Variants in ANO4 observed in about 807,000 individuals in gnomAD.
The protein encoded by ANO4 is anoctamin 4, also known as anoctamin-4.
ANO4 carries 69 observed loss-of-function variants against 141.9 expected under a neutral mutation model. That is an observed-to-expected ratio of 0.49 (90% CI 0.40 to 0.59). The LOEUF (loss-of-function observed/expected upper bound fraction) is 0.59, where lower values mean the gene tolerates loss of function less well. ANO4 is among the 20% of genes least tolerant of loss of function. The probability of loss-of-function intolerance (pLI) is 0.00; values close to 1 mark genes in which losing one functional copy is unlikely to be tolerated. For synonymous variants in ANO4, 350 were observed against 394.3 expected (o/e 0.89, Z 1.33); for missense variants, 894 against 1,162.2 (o/e 0.77, Z 3.36).
intron 14 of ANO4, among the ~76,000 whole-genome samples, chr12:101,054,250 A>T (rs1293424980): frequency 1.3e-5 from 2 of 152,234 alleles, no homozygotes; most frequent in Non-Finnish European, 2.9e-5. Context: ...AAATTTTTTT[A>T]AAGTAGGGTA....
intron 7 of ANO4, among the ~76,000 whole-genome samples, chr12:100,982,308 C>G (rs1416704516): frequency 2.6e-5 from 4 of 152,138 alleles, no homozygotes; most frequent in African/African-American, 9.7e-5. Context: ...TTTTCTATTC[C>G]CTATTGGTGG....
chr12:101,019,412 A>G (rs1438953334), intron 8 of ANO4, among the ~76,000 whole-genome samples: 1 of 152,098 alleles, frequency 6.6e-6, no homozygotes, highest in Non-Finnish European at 1.5e-5. Flanking sequence ...ATACCTGCAC[A>G]TGCACCCTTG....
intron 1 of ANO4, among the ~76,000 whole-genome samples, chr12:100,829,398 C>T (rs570036472): frequency 6.6e-6 from 1 of 152,134 alleles, no homozygotes; most frequent in East Asian, 1.9e-4. Flanking sequence ...CAAAGAATGG[C>T]ATGCAATAGT....
At chr12:100,949,987 G>C (rs1353879486) in intron 5 of ANO4, among the ~76,000 whole-genome samples, 1 of 152,186 alleles carries the variant, frequency 6.6e-6, no homozygotes, top group East Asian at 1.9e-4. Flanking sequence ...AGATGGCTCT[G>C]TTCCCTTGTA....
chr12:100,865,912 G>C (rs1283665165), intron 1 of ANO4, among the ~76,000 whole-genome samples: 1 of 152,160 alleles, frequency 6.6e-6, no homozygotes, highest in East Asian at 1.9e-4. Context: ...AGACTTGGTG[G>C]GGAGACACAG....
intron 14 of ANO4, among the ~76,000 whole-genome samples, chr12:101,058,686 T>C (rs2048227353): frequency 6.6e-6 from 1 of 152,192 alleles, no homozygotes; most frequent in South Asian, 2.1e-4. Context: ...TGTATAAGAA[T>C]GCTTGTGATT....
intron 1 of ANO4, among the ~76,000 whole-genome samples, chr12:100,801,255 A>G (rs1298414205): frequency 6.6e-6 from 1 of 152,168 alleles, no homozygotes; most frequent in Non-Finnish European, 1.5e-5. Flanking sequence ...TCTAAAACCT[A>G]TGGTGCTGTC....
At chr12:100,954,142 A>C (rs1475414321) in intron 5 of ANO4, among the ~76,000 whole-genome samples, 1 of 152,098 alleles carries the variant, frequency 6.6e-6, no homozygotes, top group Non-Finnish European at 1.5e-5. Context: ...TAGTACTTAT[A>C]ATTGCCTAGC....
At chr12:100,866,042 G>C (rs116080068) in intron 1 of ANO4, among the ~76,000 whole-genome samples, 1 of 152,150 alleles carries the variant, frequency 6.6e-6, no homozygotes, top group Admixed American at 6.5e-5. Flanking sequence ...CGGCAGGGGA[G>C]CCCATTGACA....
At chr12:100,777,640 T>C (rs1035006347) in intron 3 of ANO4, among the ~76,000 whole-genome samples, 43 of 152,168 alleles carry the variant, frequency 2.8e-4, no homozygotes, top group Admixed American at 1.3e-3. Context: ...ATATAAAATA[T>C]GGCAATAAAT....
intron 8 of ANO4, among the ~76,000 whole-genome samples, chr12:101,007,769 G>A (rs574336000): frequency 9.2e-5 from 14 of 152,232 alleles, no homozygotes; most frequent in African/African-American, 3.4e-4. Context: ...ACACGGGCTG[G>A]AGCACAGCTG....
chr12:100,896,010 TCA>T (rs1337144149), intron 1 of ANO4, among the ~76,000 whole-genome samples: 2 of 152,070 alleles, frequency 1.3e-5, no homozygotes, highest in Admixed American at 1.3e-4. Flanking sequence ...GGGGAGCTGA[TCA>T]CACAGAGATT....
chr12:100,988,563 G>T (rs2044845756), intron 8 of ANO4, among the ~76,000 whole-genome samples: 1 of 150,932 alleles, frequency 6.6e-6, no homozygotes, highest in Admixed American at 6.6e-5. Flanking sequence ...AAAAAAAAAG[G>T]TTGCTGATTT....
chr12:100,934,254 C>T (rs2042198773), intron 3 of ANO4, among the ~76,000 whole-genome samples: 1 of 152,006 alleles, frequency 6.6e-6, no homozygotes, highest in African/African-American at 2.4e-5. Context: ...ATCTTTAATC[C>T]ATCTTGAATT....
At chr12:101,029,870 A>G (rs1280354328) in intron 9 of ANO4, among the ~76,000 whole-genome samples, 1 of 140,594 alleles carries the variant, frequency 7.1e-6, no homozygotes, top group African/African-American at 2.7e-5. Context: ...AGATCACACC[A>G]CTGAACTCCA....
At chr12:100,744,621 T>C (rs940314784) in intron 3 of ANO4, among the ~76,000 whole-genome samples, 1 of 152,210 alleles carries the variant, frequency 6.6e-6, no homozygotes, top group African/African-American at 2.4e-5. Flanking sequence ...ATTCAATTAA[T>C]TGCATCATCC....
chr12:100,764,418 GC>G (rs1298584441), intron 3 of ANO4, among the ~76,000 whole-genome samples: 1 of 152,126 alleles, frequency 6.6e-6, no homozygotes, highest in Non-Finnish European at 1.5e-5. Context: ...TCAAGATTTT[GC>G]TAAATGTTTA....
chr12:101,090,288 C>T (rs1191439703), intron 17 of ANO4, among the ~76,000 whole-genome samples: 3 of 152,236 alleles, frequency 2.0e-5, no homozygotes, highest in Non-Finnish European at 2.9e-5. Flanking sequence ...GCTATAAAGA[C>T]ACATGCACAC....
intron 1 of ANO4, among the ~76,000 whole-genome samples, chr12:100,815,292 C>T (rs2035671488): frequency 6.6e-6 from 1 of 152,062 alleles, no homozygotes; most frequent in African/African-American, 2.4e-5. Context: ...TTTTTCTGAG[C>T]TTTCAGAGTT....
Sources: gnomAD v4.1 joint callset for allele counts (sites outside exome capture counted in the v4.1 genomes callset) on GRCh38, gnomAD v4.1.1 for gene constraint, MANE v1.5 for transcripts, NCBI Gene and HGNC (gene_info 2026-07-23, HGNC 2026-07-21) for gene names.